NRXN1: variants seen among roughly 807,000 people sequenced by gnomAD.
NRXN1 encodes neurexin 1, also known as neurexin-1.
In NRXN1, 39 loss-of-function variants were observed where a neutral mutation model predicts 150.9. The ratio of observed to expected loss-of-function variants is 0.26; its 90% CI spans 0.20 to 0.34. NRXN1 has a LOEUF of 0.34. Among genes scored for constraint, NRXN1 ranks in the 10% least tolerant of loss-of-function variants. The pLI, the probability that NRXN1 is intolerant of heterozygous loss-of-function variation, is 1.00. For synonymous variants in NRXN1, 924 were observed against 757.0 expected, an observed-to-expected ratio of 1.22 and a Z score of -3.62; for missense variants, 1,815 against 1,949.9, an observed-to-expected ratio of 0.93 and a Z score of 1.30.
chr2:50,040,277 A>T (rs986498726), intron 21 of NRXN1, among the ~76,000 whole-genome samples: 2 of 151,776 alleles, frequency 1.3e-5, no homozygotes, highest in Non-Finnish European at 2.9e-5. Context: ...AAATTAATGG[A>T]ACAAGAAATT....
At chr2:50,954,476 G>A (rs188810318) in intron 2 of NRXN1, among the ~76,000 whole-genome samples, 1 of 152,274 alleles carries the variant, frequency 6.6e-6, no homozygotes, top group East Asian at 1.9e-4. Context: ...GCCATTTATG[G>A]GGCAGAACAG....
chr2:50,705,249 G>A (rs9677324), intron 5 of NRXN1, among the ~76,000 whole-genome samples: 50,701 of 151,664 alleles, frequency 0.33, 9,152 homozygotes, highest in East Asian at 0.49. Flanking sequence ...AATACGAATG[G>A]GCTTAACTTC....
chr2:50,842,843 C>T (rs1429825537), intron 5 of NRXN1, among the ~76,000 whole-genome samples: 1 of 152,126 alleles, frequency 6.6e-6, no homozygotes, highest in Non-Finnish European at 1.5e-5. Context: ...ATGTAGCAGA[C>T]ATTTTATCCT....
At chr2:50,376,383 A>G (rs563763125) in intron 17 of NRXN1, among the ~76,000 whole-genome samples, 154 of 150,196 alleles carry the variant, frequency 1.0e-3, no homozygotes, top group Non-Finnish European at 2.0e-3. Context: ...AAAAAAAAAG[A>G]GAGGGAAATT....
At chr2:50,661,540 T>C (rs930291662) in intron 5 of NRXN1, among the ~76,000 whole-genome samples, 5 of 152,044 alleles carry the variant, frequency 3.3e-5, no homozygotes, top group Non-Finnish European at 5.9e-5. Flanking sequence ...GCCTTAAGGG[T>C]CCTCAGTAAT....
intron 2 of NRXN1, among the ~76,000 whole-genome samples, chr2:50,927,144 A>AAACATGGC (rs1263727170): frequency 6.6e-6 from 1 of 152,042 alleles, no homozygotes; most frequent in Non-Finnish European, 1.5e-5. Context: ...AGGTGTTTAT[A>AAACATGGC]AACATGGCAA....
intron 18 of NRXN1, among the ~76,000 whole-genome samples, chr2:50,098,942 G>T (rs1272340367): frequency 7.4e-6 from 1 of 135,446 alleles, no homozygotes; most frequent in African/African-American, 2.7e-5. Context: ...AGATATGTGG[G>T]CAATACCACC....
At chr2:50,466,491 T>C (rs1558780615) in intron 16 of NRXN1, 1 of 469,634 alleles carries the variant, frequency 2.1e-6, no homozygotes, top group Non-Finnish European at 4.4e-6. Context: ...AATGCAACTT[T>C]GTCAGCAAAA....
intron 5 of NRXN1, among the ~76,000 whole-genome samples, chr2:50,908,746 GTCC>G (rs1684093075): frequency 6.6e-6 from 1 of 152,054 alleles, no homozygotes; most frequent in African/African-American, 2.4e-5. Flanking sequence ...CTGGAAGTGG[GTCC>G]TTTAGGAGGT....
At chr2:50,784,802 G>A (rs1704849324) in intron 5 of NRXN1, among the ~76,000 whole-genome samples, 1 of 152,020 alleles carries the variant, frequency 6.6e-6, no homozygotes, top group African/African-American at 2.4e-5. Flanking sequence ...ACCTGGACAA[G>A]GGTGATGGTA....
intron 16 of NRXN1, among the ~76,000 whole-genome samples, chr2:50,466,839 C>A (rs1284616067): frequency 1.3e-5 from 2 of 151,744 alleles, no homozygotes; most frequent in African/African-American, 4.8e-5. Flanking sequence ...TTGGAACATG[C>A]AGCACCATTC....
intron 17 of NRXN1, among the ~76,000 whole-genome samples, chr2:50,344,231 C>A (rs112433073): frequency 2.0e-5 from 3 of 152,124 alleles, no homozygotes; most frequent in African/African-American, 7.2e-5. Context: ...CATCCCCCAC[C>A]CTGAGAGGCT....
intron 5 of NRXN1, among the ~76,000 whole-genome samples, chr2:50,907,858 G>T (rs1346545890): frequency 6.6e-6 from 1 of 152,080 alleles, no homozygotes; most frequent in Non-Finnish European, 1.5e-5. Context: ...ACAGAAGAGT[G>T]AGATAATACA....
At chr2:50,133,580 A>G (rs998620966) in intron 18 of NRXN1, among the ~76,000 whole-genome samples, 10 of 152,144 alleles carry the variant, frequency 6.6e-5, no homozygotes, top group African/African-American at 2.4e-4. Flanking sequence ...GTGACAACTC[A>G]AGAAAAAAAT....
intron 17 of NRXN1, among the ~76,000 whole-genome samples, chr2:50,276,089 A>C (rs2070419682): frequency 6.6e-6 from 1 of 151,958 alleles, no homozygotes; most frequent in Non-Finnish European, 1.5e-5. Context: ...CTTTGTATTC[A>C]AGCAGGGCTT....
intron 21 of NRXN1, among the ~76,000 whole-genome samples, chr2:50,013,113 A>C (rs879653876): frequency 9.9e-5 from 15 of 152,076 alleles, no homozygotes; most frequent in African/African-American, 1.9e-4. Context: ...TCATGATTTA[A>C]TCATTTCATG....
chr2:50,944,569 C>T (rs1690016619), intron 2 of NRXN1, among the ~76,000 whole-genome samples: 1 of 152,062 alleles, frequency 6.6e-6, no homozygotes, highest in South Asian at 2.1e-4. Context: ...TTAAATGAAA[C>T]CAAACTTTTA....
At chr2:50,430,120 T>TTGGA (rs1294501644) in intron 17 of NRXN1, among the ~76,000 whole-genome samples, 3 of 152,184 alleles carry the variant, frequency 2.0e-5, no homozygotes, top group Non-Finnish European at 4.4e-5. Flanking sequence ...ATTCAATGCC[T>TTGGA]TGGATTTTAA....
chr2:50,907,677 G>C (rs1049617048), intron 5 of NRXN1, among the ~76,000 whole-genome samples: 1 of 151,952 alleles, frequency 6.6e-6, no homozygotes, highest in African/African-American at 2.4e-5. Flanking sequence ...GAGATGCAAG[G>C]TTACTGGCTT....
Sources: allele counts gnomAD v4.1 joint callset (sites outside exome capture counted in the v4.1 genomes callset), GRCh38; gene constraint gnomAD v4.1.1; transcripts MANE v1.5; gene names NCBI Gene and HGNC (gene_info 2026-07-23, HGNC 2026-07-21).